GMDS: variants seen among roughly 807,000 people sequenced by gnomAD.
GMDS encodes the protein GDP-mannose 4,6-dehydratase.
A neutral mutation model predicts 49.9 loss-of-function variants in GMDS; 20 were observed. The observed-to-expected ratio is 0.40, with a 90% confidence interval of 0.28 to 0.58. GMDS has a LOEUF of 0.58. Among genes scored for constraint, GMDS ranks in the 20% least tolerant of loss-of-function variants. The pLI is 0.42. For missense variants in GMDS, 362 were observed against 481.4 expected (o/e 0.75, Z 2.32); for synonymous variants, 177 against 178.6 (o/e 0.99, Z 0.07).
At chr6:2,029,185 C>T (rs1289860216) in intron 4 of GMDS, among the ~76,000 whole-genome samples, 1 of 152,104 alleles carries the variant, frequency 6.6e-6, no homozygotes, top group East Asian at 1.9e-4. Flanking sequence ...TAATTGTGGA[C>T]ATCACCTTTT....
rs548432681 is a variant in GMDS, at chr6:1,640,236, G to A, written c.988-15696C>T. Among the ~76,000 whole-genome samples the A allele has an allele frequency of 9.4e-4, 143 of 152,268 alleles. No individual in the cohort carries two copies. The highest frequency in any genetic ancestry group is 1.6e-3 in the Non-Finnish European group (107 of 68,014). ...ATCTGCTGCCCTCCTCATGCAGTTGGTTCCCGACAGCCTGGAATATGCTTC... is the reference window on the plus strand; with the variant it reads ...ATCTGCTGCCCTCCTCATGCAGTTGATTCCCGACAGCCTGGAATATGCTTC... On this transcript the variant is annotated intron_variant, in intron 9 of 10. Coordinates refer to ENST00000380815, the MANE Select transcript of GMDS (RefSeq NM_001500.4). This position sits in a 1 kb window ranked among gnomAD's most constrained non-coding sequence, Gnocchi z 4.0.
intron 1 of GMDS, among the ~76,000 whole-genome samples, chr6:2,155,579 GAGA>G (rs907668580): frequency 7.2e-5 from 11 of 152,078 alleles, no homozygotes; most frequent in African/African-American, 2.7e-4. Flanking sequence ...TGACTGACAG[GAGA>G]AGATTAGTGT....
chr6:2,221,876 TGCCCACAG>T (rs1780608010), intron 1 of GMDS, among the ~76,000 whole-genome samples: 1 of 151,844 alleles, frequency 6.6e-6, no homozygotes, highest in African/African-American at 2.4e-5. Context: ...CTGTGGCCAC[TGCCCACAG>T]GGGCAACAGG....
rs201661858 is a variant in GMDS, at chr6:2,131,909, G to GA, written c.103-7179dup. On this transcript the variant is annotated intron_variant, in intron 1 of 10. Coordinates refer to ENST00000380815, the MANE Select transcript of GMDS (RefSeq NM_001500.4). ...CATACTGAAGTTTTCATCCATCAGA[G>GA]AAAAAAAAATCTTCATATGGCCTAC... 5.8e-3 allele frequency among the ~76,000 whole-genome samples: 865 copies of GA among 148,968 alleles called. 2 individuals carry two copies. Among genetic ancestry groups the GA allele is most frequent in the Middle Eastern group, 0.018 (5 of 284 alleles).
At chr6:1,642,153 C>CTT (rs543577735) in intron 9 of GMDS, among the ~76,000 whole-genome samples, 108 of 110,760 alleles carry the variant, frequency 9.8e-4, no homozygotes, top group African/African-American at 2.5e-3. Flanking sequence ...CAGTTTCCAT[C>CTT]TTTTTTTTTT....
chr6:2,130,169 C>A (rs2127516901), intron 1 of GMDS, among the ~76,000 whole-genome samples: 1 of 150,130 alleles, frequency 6.7e-6, no homozygotes, highest in South Asian at 2.1e-4. Context: ...AATGGAATTA[C>A]CAAAGTGAAG....
At chr6:1,852,075 A>G (rs1757701794) in intron 7 of GMDS, among the ~76,000 whole-genome samples, 1 of 152,214 alleles carries the variant, frequency 6.6e-6, no homozygotes, top group South Asian at 2.1e-4. Flanking sequence ...AGTGCCATCT[A>G]CTTTGTTCTG....
intron 9 of GMDS, among the ~76,000 whole-genome samples, chr6:1,693,799 T>G (rs1464887619): frequency 6.6e-6 from 1 of 152,228 alleles, no homozygotes; most frequent in African/African-American, 2.4e-5. Flanking sequence ...GTTACTAGTT[T>G]GTTTTCTCTG....
intron 7 of GMDS, among the ~76,000 whole-genome samples, chr6:1,794,252 G>A (rs1197769981): frequency 1.3e-5 from 2 of 151,934 alleles, no homozygotes; most frequent in Non-Finnish European, 2.9e-5. Flanking sequence ...TCCCATTTAC[G>A]TATGTCTACT....
At chr6:1,820,656 C>T (rs955627097) in intron 7 of GMDS, among the ~76,000 whole-genome samples, 1 of 152,154 alleles carries the variant, frequency 6.6e-6, no homozygotes, top group African/African-American at 2.4e-5. Flanking sequence ...GAATAAGCAG[C>T]ACTCATTATT....
At chr6:2,203,245 C>T (rs1274260628) in intron 1 of GMDS, among the ~76,000 whole-genome samples, 1 of 152,046 alleles carries the variant, frequency 6.6e-6, no homozygotes, top group African/African-American at 2.4e-5. Flanking sequence ...TTTCCTGTCA[C>T]TTTGAGGACA....
At chr6:1,862,177 A>C (rs1758220444) in intron 7 of GMDS, among the ~76,000 whole-genome samples, 1 of 152,238 alleles carries the variant, frequency 6.6e-6, no homozygotes, top group South Asian at 2.1e-4. Flanking sequence ...GGGACTTCGC[A>C]TTCTTCATAA....
At chr6:2,085,217 C>T (rs1046876697) in intron 4 of GMDS, among the ~76,000 whole-genome samples, 1 of 152,138 alleles carries the variant, frequency 6.6e-6, no homozygotes, top group African/African-American at 2.4e-5. Flanking sequence ...AACCCAGGTC[C>T]ACTCTCGTGA....
At chr6:1,624,743 C>CG in intron 9 of GMDS, 1 of 459,994 alleles carries the variant, frequency 2.2e-6, no homozygotes, top group East Asian at 4.3e-5. Context: ...ATGTGCTGTG[C>CG]GGACCCGTGA....
At chr6:2,219,345 T>C (rs1780479127) in intron 1 of GMDS, among the ~76,000 whole-genome samples, 1 of 152,198 alleles carries the variant, frequency 6.6e-6, no homozygotes, top group South Asian at 2.1e-4. Flanking sequence ...CTGAAGAGCA[T>C]GCTGTCATTA....
intron 4 of GMDS, among the ~76,000 whole-genome samples, chr6:1,995,293 C>T (rs1325952238): frequency 6.6e-6 from 1 of 152,196 alleles, no homozygotes; most frequent in Non-Finnish European, 1.5e-5. Context: ...TCTTGCACCA[C>T]ACCTCCAGGT....
At chr6:1,995,345 C>T (rs2127370130) in intron 4 of GMDS, among the ~76,000 whole-genome samples, 1 of 152,272 alleles carries the variant, frequency 6.6e-6, no homozygotes, top group South Asian at 2.1e-4. Flanking sequence ...ACACAGGCTG[C>T]CTGTGACCCC....
chr6:2,041,579 A>G (rs1191013450), intron 4 of GMDS, among the ~76,000 whole-genome samples: 1 of 152,176 alleles, frequency 6.6e-6, no homozygotes, highest in Non-Finnish European at 1.5e-5. Context: ...CAGCTGACCT[A>G]ATCCCTGATC....
At chr6:1,784,581 T>G (rs747967236) in intron 7 of GMDS, among the ~76,000 whole-genome samples, 3 of 152,022 alleles carry the variant, frequency 2.0e-5, no homozygotes, top group Non-Finnish European at 2.9e-5. Flanking sequence ...CTGAGAGGGA[T>G]AAAACAAATC....
Sources: allele counts gnomAD v4.1 joint callset (sites outside exome capture counted in the v4.1 genomes callset), GRCh38; gene constraint gnomAD v4.1.1; non-coding constraint Gnocchi (gnomAD v3.1); transcripts MANE v1.5; gene names NCBI Gene and HGNC (gene_info 2026-07-23, HGNC 2026-07-21).